The following CNTNAP2 variants were observed in gnomAD, a reference collection of about 807,000 sequenced individuals.
The protein encoded by CNTNAP2 is contactin-associated protein-like 2.
In CNTNAP2, 98 loss-of-function variants were observed where a neutral mutation model predicts 155.2. The observed-to-expected ratio is 0.63, with a 90% CI of 0.54 to 0.75. The LOEUF is 0.75. CNTNAP2 is among the 30% of genes least tolerant of loss of function. CNTNAP2 has a pLI of 0.00. For synonymous variants in CNTNAP2, 651 were observed against 631.2 expected, an observed-to-expected ratio of 1.03 and a Z score of -0.47; for missense variants, 1,727 against 1,688.1, an observed-to-expected ratio of 1.02 and a Z score of -0.40.
At chr7:146,496,667 T>A (rs183256249) in intron 1 of CNTNAP2, among the ~76,000 whole-genome samples, 83 of 152,280 alleles carry the variant, frequency 5.5e-4, no homozygotes, top group Middle Eastern at 3.4e-3. Context: ...AGCCTTCTTT[T>A]TTTTCCCATA....
chr7:148,288,075 C>T (rs1442795311), intron 21 of CNTNAP2, among the ~76,000 whole-genome samples: 1 of 150,654 alleles, frequency 6.6e-6, no homozygotes, highest in African/African-American at 2.4e-5. Flanking sequence ...CAGGCGTGAG[C>T]CACCGCGCCC....
rs1224841281 is a variant in CNTNAP2, at chr7:147,350,405, A to T, written c.1499-45204A>T. On this transcript the variant is annotated intron_variant, in intron 9 of 23. Transcript: ENST00000361727. ...ATACCCCTCTAAGCGAATCATGATT[A>T]TTGACAAGTTTACTTTTATACACTT... 2.6e-5 allele frequency among the ~76,000 whole-genome samples: 4 copies of T among 151,930 alleles called. 1 individual carries two copies. The East Asian group carries it at 7.7e-4, about 29-fold the overall frequency.
intron 9 of CNTNAP2, among the ~76,000 whole-genome samples, chr7:147,385,636 C>T (rs1214580881): frequency 7.2e-5 from 11 of 152,222 alleles, no homozygotes; most frequent in Admixed American, 1.3e-4. Context: ...AAGAGGTGGG[C>T]CCCCATGGCC....
chr7:148,142,295 T>G (rs2116645398), intron 16 of CNTNAP2, among the ~76,000 whole-genome samples: 1 of 152,240 alleles, frequency 6.6e-6, no homozygotes, highest in African/African-American at 2.4e-5. Context: ...CTGATTCCCA[T>G]GGCGACCTTA....
intron 1 of CNTNAP2, among the ~76,000 whole-genome samples, chr7:146,641,810 AAT>A (rs1799713136): frequency 6.6e-6 from 1 of 152,230 alleles, no homozygotes; most frequent in African/African-American, 2.4e-5. Context: ...AGAACAGATG[AAT>A]ATATGTCTAT....
At chr7:147,368,013 T>TCCC (rs139772323) in intron 9 of CNTNAP2, among the ~76,000 whole-genome samples, 4 of 79,408 alleles carry the variant, frequency 5.0e-5, no homozygotes, top group Admixed American at 2.9e-4. Context: ...TCTCTCTCTC[T>TCCC]CCCCCCCCTC....
chr7:147,769,398 G>A (rs1797432508), intron 13 of CNTNAP2, among the ~76,000 whole-genome samples: 2 of 152,108 alleles, frequency 1.3e-5, no homozygotes, highest in South Asian at 2.1e-4. Flanking sequence ...CAAGAACACG[G>A]TGTAAATATC....
At chr7:146,661,833 C>T (rs570363001) in intron 1 of CNTNAP2, among the ~76,000 whole-genome samples, 1 of 150,612 alleles carries the variant, frequency 6.6e-6, no homozygotes, top group Non-Finnish European at 1.5e-5. Context: ...GAGTAAATGG[C>T]TGGGTAGGAT....
intron 3 of CNTNAP2, among the ~76,000 whole-genome samples, chr7:146,989,724 C>T (rs187341574): frequency 6.6e-6 from 1 of 152,104 alleles, no homozygotes; most frequent in African/African-American, 2.4e-5. Flanking sequence ...CCTTATCCAT[C>T]GCATTTTTCA....
chr7:146,724,792 A>G (rs1043947909), intron 1 of CNTNAP2, among the ~76,000 whole-genome samples: 1 of 151,732 alleles, frequency 6.6e-6, no homozygotes, highest in African/African-American at 2.4e-5. Flanking sequence ...AATGGTTTCA[A>G]TCTCCTGACC....
At chr7:148,079,892 A>C (rs1286914082) in intron 15 of CNTNAP2, among the ~76,000 whole-genome samples, 3 of 152,202 alleles carry the variant, frequency 2.0e-5, no homozygotes, top group Non-Finnish European at 4.4e-5. Context: ...TTTTCAGGTT[A>C]ACTTTGGAAT....
At chr7:146,560,981 A>G (rs1798270994) in intron 1 of CNTNAP2, among the ~76,000 whole-genome samples, 1 of 152,168 alleles carries the variant, frequency 6.6e-6, no homozygotes, top group South Asian at 2.1e-4. Context: ...TTACATAAGG[A>G]ATTCAGTGAA....
intron 9 of CNTNAP2, among the ~76,000 whole-genome samples, chr7:147,335,670 A>G (rs1205448277): frequency 6.6e-6 from 1 of 152,160 alleles, no homozygotes; most frequent in African/African-American, 2.4e-5. Context: ...GAAATAAATT[A>G]TTTATTTAGC....
intron 1 of CNTNAP2, among the ~76,000 whole-genome samples, chr7:146,660,245 T>C (rs1017701970): frequency 6.6e-6 from 1 of 152,188 alleles, no homozygotes; most frequent in Non-Finnish European, 1.5e-5. Flanking sequence ...GTCGATGATA[T>C]CTAGTTTATC....
chr7:147,871,464 G>A (rs1799324896), intron 13 of CNTNAP2, among the ~76,000 whole-genome samples: 1 of 152,078 alleles, frequency 6.6e-6, no homozygotes. Context: ...CCAGTATTAT[G>A]GGACTTAAAG....
chr7:146,967,878 G>T (rs2129232283), intron 3 of CNTNAP2, among the ~76,000 whole-genome samples: 1 of 152,060 alleles, frequency 6.6e-6, no homozygotes, highest in East Asian at 1.9e-4. Flanking sequence ...GGGCATCCCT[G>T]TCTTGTGCCA....
intron 1 of CNTNAP2, among the ~76,000 whole-genome samples, chr7:146,510,873 G>A (rs1396446308): frequency 6.6e-6 from 1 of 152,004 alleles, no homozygotes; most frequent in African/African-American, 2.4e-5. Flanking sequence ...AGCTGTACTA[G>A]TTTTGGGGTG....
At chr7:147,395,284 G>A (rs1796795026) in intron 9 of CNTNAP2, among the ~76,000 whole-genome samples, 1 of 152,006 alleles carries the variant, frequency 6.6e-6, no homozygotes, top group South Asian at 2.1e-4. Context: ...AGCAGAGAAA[G>A]AATAACAGTG....
chr7:146,729,261 G>C (rs922653989), intron 1 of CNTNAP2, among the ~76,000 whole-genome samples: 2 of 152,088 alleles, frequency 1.3e-5, no homozygotes, highest in Admixed American at 6.6e-5. Flanking sequence ...ATATACTGTT[G>C]AGACAAAAGT....
Sources: gnomAD v4.1 joint callset for allele counts (sites outside exome capture counted in the v4.1 genomes callset) on GRCh38, gnomAD v4.1.1 for gene constraint, MANE v1.5 for transcripts, NCBI Gene and HGNC (gene_info 2026-07-23, HGNC 2026-07-21) for gene names.